The following CEP162 variants were observed in gnomAD, a reference collection of about 807,000 sequenced individuals.
The protein encoded by CEP162 is centrosomal protein of 162 kDa.
In CEP162, 141 loss-of-function variants were observed where a neutral mutation model predicts 169.2. The observed-to-expected ratio is 0.83, with a 90% CI of 0.73 to 0.96. The LOEUF (loss-of-function observed/expected upper bound fraction) is 0.96, where lower values mean the gene tolerates loss of function less well. Among genes scored for constraint, CEP162 ranks in the 40% least tolerant of loss-of-function variants. The pLI is 0.00. For synonymous variants in CEP162, 540 were observed against 526.4 expected (o/e 1.03, Z -0.35); for missense variants, 1,600 against 1,587.2 (o/e 1.01, Z -0.14).
chr6:84,178,304 C>A (rs1387326951), intron 13 of CEP162, among the ~76,000 whole-genome samples: 6 of 151,368 alleles, frequency 4.0e-5, no homozygotes, highest in African/African-American at 1.5e-4. Context: ...TGCATACGGA[C>A]ATATTTGCAG....
At chr6:84,167,699 G>A (rs2099528371) in intron 18 of CEP162, among the ~76,000 whole-genome samples, 1 of 152,142 alleles carries the variant, frequency 6.6e-6, no homozygotes, top group Non-Finnish European at 1.5e-5. Flanking sequence ...GCATTGCAAG[G>A]TAGTGTCAAT....
Position 84,144,235 on chromosome 6 carries a change from T to C in CEP162, c.3870+2452A>G, listed in dbSNP as rs141226127. Among the ~76,000 whole-genome samples the C allele has an allele frequency of 3.0e-3, 457 of 152,160 alleles. 2 individuals carry two copies. The highest frequency in any genetic ancestry group is 0.01 in the African/African-American group (417 of 41,562). On this transcript the variant is annotated intron_variant, in intron 25 of 26. Transcript: ENST00000403245. ...GACGTGATAAATTGTACAGGAATCA[T>C]TGTCAAATAAAGACAATGTTTAATC...
At chr6:84,135,137 T>C (rs1455123982) in intron 25 of CEP162, among the ~76,000 whole-genome samples, 5 of 152,204 alleles carry the variant, frequency 3.3e-5, no homozygotes, top group Non-Finnish European at 7.3e-5. Flanking sequence ...AGTGGGATTA[T>C]AGTGATTTTA....
At chr6:84,205,190 C>T (rs371651446) in intron 6 of CEP162, among the ~76,000 whole-genome samples, 10 of 152,110 alleles carry the variant, frequency 6.6e-5, no homozygotes, top group Non-Finnish European at 1.3e-4. Flanking sequence ...TTCCAATCAA[C>T]AGAAAAAGAG....
intron 11 of CEP162, among the ~76,000 whole-genome samples, chr6:84,192,900 A>G (rs901240011): frequency 1.3e-5 from 2 of 152,260 alleles, no homozygotes; most frequent in African/African-American, 4.8e-5. Flanking sequence ...GTTAAATTAA[A>G]TAATATACGT....
intron 25 of CEP162, among the ~76,000 whole-genome samples, chr6:84,135,071 ATTT>A (rs990409588): frequency 2.0e-5 from 3 of 152,128 alleles, no homozygotes; most frequent in Non-Finnish European, 4.4e-5. Context: ...CAATATTTGT[ATTT>A]ATTTATGAAT....
chr6:84,220,691 G>T (rs2099553365), intron 3 of CEP162, among the ~76,000 whole-genome samples: 1 of 152,112 alleles, frequency 6.6e-6, no homozygotes, highest in East Asian at 1.9e-4. Context: ...TGATACCAAG[G>T]TCTATAGGTT....
intron 3 of CEP162, 174 bp from the exon 4 acceptor site, chr6:84,216,096 C>G: frequency 1.3e-6 from 1 of 792,768 alleles, no homozygotes; most frequent in East Asian, 3.1e-5. Flanking sequence ...GATTATAATT[C>G]TATTTGGTGG....
At chr6:84,134,405 C>G (rs547572339) in intron 25 of CEP162, among the ~76,000 whole-genome samples, 1 of 152,320 alleles carries the variant, frequency 6.6e-6, no homozygotes, top group African/African-American at 2.4e-5. Context: ...AAAAAAAACT[C>G]CTGCAGCTAG....
chr6:84,135,260 A>G (rs2099513502), intron 25 of CEP162, among the ~76,000 whole-genome samples: 1 of 152,214 alleles, frequency 6.6e-6, no homozygotes, highest in African/African-American at 2.4e-5. Context: ...GCATAAAAGC[A>G]TATATTCTTT....
chr6:84,192,473 C>T (rs2099540329), intron 11 of CEP162, among the ~76,000 whole-genome samples: 1 of 152,146 alleles, frequency 6.6e-6, no homozygotes. Context: ...CTAATTAGCA[C>T]TACAGATCAA....
chr6:84,182,051 T>C (rs2099535086), intron 13 of CEP162, among the ~76,000 whole-genome samples: 1 of 152,066 alleles, frequency 6.6e-6, no homozygotes, highest in African/African-American at 2.4e-5. Flanking sequence ...CTTATAGATA[T>C]AAGTAAACCT....
intron 21 of CEP162, among the ~76,000 whole-genome samples, chr6:84,159,425 G>T (rs948650343): frequency 6.8e-6 from 1 of 146,380 alleles, no homozygotes; most frequent in Non-Finnish European, 1.5e-5. Context: ...TGGCTTCTTA[G>T]ATTAGCTAAT....
intron 17 of CEP162, 116 bp downstream of exon 17, chr6:84,171,490 A>C: frequency 2.2e-6 from 1 of 457,638 alleles, no homozygotes. Context: ...AAATGTGTAC[A>C]AATAAAAATA....
At chr6:84,164,882 A>C (rs916794432) in intron 18 of CEP162, among the ~76,000 whole-genome samples, 1 of 151,872 alleles carries the variant, frequency 6.6e-6, no homozygotes, top group Non-Finnish European at 1.5e-5. Flanking sequence ...AAAACAAACA[A>C]AAAAAAAGAA....
chr6:84,181,779 A>G (rs1329716093), intron 13 of CEP162, among the ~76,000 whole-genome samples: 1 of 151,098 alleles, frequency 6.6e-6, no homozygotes, highest in Admixed American at 6.6e-5. Context: ...TTAAGGTTGT[A>G]GGAGAGAATA....
intron 25 of CEP162, among the ~76,000 whole-genome samples, chr6:84,145,351 C>T (rs1406452192): frequency 6.6e-6 from 1 of 152,100 alleles, no homozygotes; most frequent in Non-Finnish European, 1.5e-5. Context: ...TCCAGCAAAA[C>T]AGACTTATAA....
intron 12 of CEP162, 35 bp downstream of exon 12, chr6:84,186,297 C>CA: frequency 8.2e-7 from 1 of 1,223,186 alleles, no homozygotes; most frequent in Non-Finnish European, 1.2e-6. Context: ...CTTCGGTTCT[C>CA]AATCTCTCAA....
intron 2 of CEP162, among the ~76,000 whole-genome samples, chr6:84,224,689 TA>T (rs1028136153): frequency 1.0e-4 from 15 of 148,120 alleles, no homozygotes; most frequent in African/African-American, 1.2e-4. Flanking sequence ...ACTTTCACAG[TA>T]AAAAAAAAAT....
Sources: allele counts gnomAD v4.1 joint callset (sites outside exome capture counted in the v4.1 genomes callset), GRCh38; gene constraint gnomAD v4.1.1; transcripts MANE v1.5; gene names NCBI Gene and HGNC (gene_info 2026-07-23, HGNC 2026-07-21).